The following SLC34A3 variants were observed in gnomAD, a reference collection of about 807,000 sequenced individuals.
SLC34A3 encodes the protein solute carrier family 34 member 3.
In SLC34A3, 60 loss-of-function variants were observed where a neutral mutation model predicts 43.9. The ratio of observed to expected loss-of-function variants is 1.37; its 90% CI spans 1.11 to 1.70. The LOEUF (loss-of-function observed/expected upper bound fraction) is 1.70, where lower values mean the gene tolerates loss of function less well. SLC34A3 is among the 40% of genes most tolerant of loss of function. The pLI, the probability that SLC34A3 is intolerant of heterozygous loss-of-function variation, is 0.00. For missense variants in SLC34A3, 969 were observed against 823.8 expected (o/e 1.18, Z -2.16); for synonymous variants, 451 against 386.2 (o/e 1.17, Z -1.97).
At position 137,234,691 on chromosome 9, in the gene SLC34A3, C is replaced by G; in HGVS notation, c.1295C>G (p.Ala432Gly). Residue 432 changes from alanine to glycine, a missense_variant, in exon 12 of 13, where the codon GCC becomes GGC. Coordinates refer to ENST00000673835, the MANE Select transcript of SLC34A3 (RefSeq NM_001177316.2). The surrounding 1 kb of genome is among the most constrained non-coding windows in gnomAD (Gnocchi z 6.9). ...IGTTTTALLAALASPADRMLS... is the reference protein window; with the variant it reads ...IGTTTTALLAGLASPADRMLS... Reference sequence around the variant, plus strand: ...ACCACTACCACAGCCCTGCTGGCTGCCCTGGCCAGCCCCGCAGACAGGATG... The same window carrying G: ...ACCACTACCACAGCCCTGCTGGCTGGCCTGGCCAGCCCCGCAGACAGGATG... The G allele has an allele frequency of 2.5e-6, 4 of 1,611,900 alleles. No individual in the cohort carries two copies. Among genetic ancestry groups the G allele is most frequent in the Non-Finnish European group, 3.4e-6 (4 of 1,179,844 alleles).
In SLC34A3 at chr9:137,232,609, C is replaced by T. The variant is rs755237394; in HGVS notation, c.210C>T (p.Ala70=). The change falls in exon 4 of 13, where the codon GCC becomes GCT. Residue 70 remains alanine, a synonymous_variant. Coordinates refer to ENST00000673835, the MANE Select transcript of SLC34A3 (RefSeq NM_001177316.2). ...LRVAGRLRRV[A]GSVLKACGLL... is the part of the protein sequence containing the mutation. Reference sequence around the variant, plus strand: ...TGGCCGGCAGGCTGCGCCGCGTGGCCGGCAGCGTCCTCAAGGCCTGCGGGC... The same window carrying T: ...TGGCCGGCAGGCTGCGCCGCGTGGCTGGCAGCGTCCTCAAGGCCTGCGGGC... 2.5e-5 allele frequency: 41 copies of T among 1,611,988 alleles called. No homozygotes were observed. Among genetic ancestry groups the T allele is most frequent in the South Asian group, 1.4e-4 (13 of 91,058 alleles).
chr9:137,235,912 C>A, intron 12 of SLC34A3, 40 bp from the exon 13 acceptor site: 1 of 1,598,582 alleles, frequency 6.3e-7, no homozygotes, highest in Non-Finnish European at 8.6e-7. Flanking sequence ...GTGACCCCAC[C>A]TCGTTGGGCC....
intron 8 of SLC34A3, 57 bp downstream of exon 8, chr9:137,233,779 T>TTGGGCGCCCCCCCCC: frequency 6.9e-7 from 1 of 1,445,820 alleles, no homozygotes; most frequent in Non-Finnish European, 9.6e-7. Flanking sequence ...TGCTGAGTCA[T>TTGGGCGCCCCCCCCC]CCCGCCCCAC....
intron 12 of SLC34A3, among the ~76,000 whole-genome samples, chr9:137,235,629 G>A (rs1346809832): frequency 6.6e-6 from 1 of 152,230 alleles, no homozygotes; most frequent in Non-Finnish European, 1.5e-5. Context: ...GGACTGAGGA[G>A]ACGGGGTCTC....
chr9:137,233,462 G>A (rs954043699), intron 7 of SLC34A3, 58 bp downstream of exon 7: 1 of 1,585,894 alleles, frequency 6.3e-7, no homozygotes, highest in Non-Finnish European at 8.6e-7. Flanking sequence ...GGGAGGAGGG[G>A]AGGCCCGCCC....
intron 8 of SLC34A3, 56 bp downstream of exon 8, chr9:137,233,778 A>ACCCCCCCCCCCCCCCCCCCC: frequency 6.7e-7 from 1 of 1,485,058 alleles, no homozygotes; most frequent in Non-Finnish European, 9.3e-7. Context: ...CTGCTGAGTC[A>ACCCCCCCCCCCCCCCCCCCC]TCCCGCCCCA....
Position 137,232,903 on chromosome 9 carries a change from G to C in SLC34A3, c.424G>C (p.Val142Leu). ...GAGTTCCAGCACGTCCTCCTCCATC[G>C]TGGTCAGCATGGTGGCTGCTAAGCG... ...VQSSSTSSSI[V>L]VSMVAAKLLT... The change falls in exon 5 of 13, where the codon GTG (valine) becomes CTG (leucine). Residue 142 changes from valine to leucine, a missense_variant. Val to Leu is a conservative substitution (Grantham distance 32). Transcript: ENST00000673835. 1 of 1,609,210 alleles carries C rather than the reference G, an allele frequency of 6.2e-7. No homozygotes were observed. Among genetic ancestry groups the C allele is most frequent in the Non-Finnish European group, 8.5e-7 (1 of 1,178,304 alleles).
Position 137,234,610 on chromosome 9 carries a change from T to A in SLC34A3, c.1214T>A (p.Val405Asp). ...FTAAVVPLMG[V>D]GVISLDRAYP... The stretch of plus-strand genomic sequence containing the variant: ...TGGTGACTCCCAGTTCCCCCAGGGG[T>A]CGGGGTGATCAGTCTGGACCGGGCG... Residue 405 changes from valine (V) to aspartate (D), a missense_variant, in exon 12 of 13, where the codon GTC (valine) becomes GAC (aspartate). Physicochemically the swap from Val to Asp is radical, Grantham distance 152 (BLOSUM62 -3). Coordinates refer to ENST00000673835, the MANE Select transcript of SLC34A3 (RefSeq NM_001177316.2). This position sits in a 1 kb window ranked among gnomAD's most constrained non-coding sequence, Gnocchi z 6.9. 6.2e-7 allele frequency: 1 copy of A among 1,611,708 alleles called. No individual in the cohort carries two copies. Among genetic ancestry groups the A allele is most frequent in the Non-Finnish European group, 8.5e-7 (1 of 1,179,672 alleles).
chr9:137,234,633 G>A lies in SLC34A3; in HGVS notation c.1237G>A (p.Ala413Thr), dbSNP rs1836481343. ...MGVGVISLDR[A>T]YPLLLGSNIG... ...GGTCGGGGTGATCAGTCTGGACCGG[G>A]CGTACCCCCTCTTACTGGGCTCCAA... Residue 413 changes from alanine (A) to threonine (T), a missense_variant, in exon 12 of 13, where the codon GCG (alanine) becomes ACG (threonine). Ala to Thr is a moderately conservative substitution (Grantham distance 58). Coordinates refer to ENST00000673835, the MANE Select transcript of SLC34A3 (RefSeq NM_001177316.2). This position sits in a 1 kb window ranked among gnomAD's most constrained non-coding sequence, Gnocchi z 6.9. The A allele has an allele frequency of 1.2e-6, 2 of 1,612,336 alleles. No individual in the cohort carries two copies. The highest frequency in any genetic ancestry group is 1.3e-5 in the African/African-American group (1 of 74,878).
Position 137,234,369 on chromosome 9 carries a change from G to C in SLC34A3, c.1094-47G>C. ...ACCAGGCTGACTCGGGGGCTACCTG[G>C]CCCTCCTTGTGGGCGCTGGCCAGGG... On this transcript the variant is annotated intron_variant, in intron 10 of 12. Transcript: ENST00000673835. This position sits in a 1 kb window ranked among gnomAD's most constrained non-coding sequence, Gnocchi z 6.9. 6.3e-7 allele frequency: 1 copy of C among 1,595,420 alleles called. No homozygotes were observed. Among genetic ancestry groups the C allele is most frequent in the East Asian group, 2.2e-5 (1 of 44,660 alleles).
chr9:137,233,334 TGACACCCAGGGCGCAGGCGCCC>T lies in SLC34A3; in HGVS notation c.691_712del (p.Pro231SerfsTer5). ...GAGCTAGCCCTGGGTGCCGCCAGCC[TGACACCCAGGGCGCAGGCGCCC>T]GACATCCTCAAGGTGCTGACGAAGC... On this transcript the variant is annotated frameshift_variant, in exon 7 of 13. Transcript: ENST00000673835. LOFTEE classifies it high-confidence loss of function. 2.5e-6 allele frequency: 4 copies of T among 1,604,558 alleles called. No individual in the cohort carries two copies. The highest frequency in any genetic ancestry group is 3.4e-6 in the Non-Finnish European group (4 of 1,176,430).
chr9:137,232,875 G>A lies in SLC34A3; in HGVS notation c.396G>A (p.Val132=), dbSNP rs752495218. The A allele has an allele frequency of 1.2e-6, 2 of 1,611,870 alleles. No individual in the cohort carries two copies. The highest frequency in any genetic ancestry group is 1.7e-6 in the Non-Finnish European group (2 of 1,179,546). Residue 132 remains valine, a synonymous_variant, in exon 5 of 13, where the codon GTG becomes GTA. Transcript: ENST00000673835. ...TTGGCGTGCTGGTCACAGCCCTGGT[G>A]CAGAGTTCCAGCACGTCCTCCTCCA... ...LVIGVLVTAL[V]QSSSTSSSIV...
rs1836252265 is a variant in SLC34A3 at position 137,232,063 on chromosome 9, C to T, written c.86-9C>T. ...CTGGAAACAGCCGTACTCAATTCTA[C>T]CTCCACAGGGACCTCCAGTTCTGCT... On this transcript the variant is annotated splice_polypyrimidine_tract_variant and intron_variant, in intron 2 of 12. Coordinates refer to ENST00000673835, the MANE Select transcript of SLC34A3 (RefSeq NM_001177316.2). The T allele has an allele frequency of 6.2e-7, 1 of 1,612,502 alleles. No homozygotes were observed. Among genetic ancestry groups the T allele is most frequent in the Non-Finnish European group, 8.5e-7 (1 of 1,179,460 alleles).
rs547497001 is a variant in SLC34A3 at position 137,232,804 on chromosome 9, T to G, written c.325T>G (p.Phe109Val). The change falls in exon 5 of 13, where the codon TTC becomes GTC. Residue 109 changes from phenylalanine to valine, a missense_variant. Coordinates refer to ENST00000673835, the MANE Select transcript of SLC34A3 (RefSeq NM_001177316.2). ...TGTAGGCAAAGTGGCCGGAGACATC[T>G]TCAAGGACAACGTGGTGCTGTCCAA... ...LLGSKVAGDI[F>V]KDNVVLSNPV... 2.5e-6 allele frequency: 4 copies of G among 1,613,110 alleles called. No homozygotes were observed. The South Asian group carries it at 4.4e-5, about 18-fold the overall frequency.
intron 3 of SLC34A3, 149 bp from the exon 4 acceptor site, chr9:137,232,426 G>T (rs930458928): frequency 8.4e-7 from 1 of 1,196,806 alleles, no homozygotes; most frequent in African/African-American, 1.5e-5. Flanking sequence ...GCAGGAACCC[G>T]GGCCCTGCCC....
In SLC34A3 at chr9:137,236,339, T is replaced by G. The variant is rs773962161; in HGVS notation, c.1723T>G (p.Cys575Gly). The G allele has an allele frequency of 6.5e-7, 1 of 1,541,700 alleles. No homozygotes were observed. The highest frequency in any genetic ancestry group is 2.4e-5 in the East Asian group (1 of 40,872). The part of the protein sequence containing the change: ...LVTRCCPCNV[C>G]SPPKATTKEA... The stretch of plus-strand genomic sequence containing the variant: ...GACCCGCTGCTGCCCCTGCAACGTC[T>G]GCAGCCCCCCGAAGGCCACCACCAA... The change falls in exon 13 of 13, where the codon TGC (cysteine) becomes GGC (glycine). Residue 575 changes from cysteine to glycine, a missense_variant. Transcript: ENST00000673835.
In SLC34A3 at chr9:137,236,537, A is replaced by C. The variant is rs1836608313; in HGVS notation, c.*121A>C. 2 of 876,768 alleles carry C rather than the reference A, an allele frequency of 2.3e-6. No individual in the cohort carries two copies. The highest frequency in any genetic ancestry group is 3.6e-6 in the Non-Finnish European group (2 of 550,326). 54.3% of individuals were successfully genotyped at this position (876,768 alleles called of 1,614,324 possible). A position where few individuals can be genotyped will look rare whatever the true frequency, so the allele number is the denominator to read the frequency against. ...ACCTGCTTCCCCTTCTGTGCAAATA[A>C]ACCAGGCTGTTATCTGGGGTGGCGG... On this transcript the variant is annotated 3_prime_UTR_variant, in exon 13 of 13. Transcript: ENST00000673835.
chr9:137,236,272 C>G lies in SLC34A3; in HGVS notation c.1656C>G (p.Leu552=). Residue 552 remains leucine, a synonymous_variant, in exon 13 of 13, where the codon CTC becomes CTG. Coordinates refer to ENST00000673835, the MANE Select transcript of SLC34A3 (RefSeq NM_001177316.2). The stretch of plus-strand genomic sequence containing the variant: ...TCCGCCTGCGCTCCTGGGCCTGGCT[C>G]CCCGTCTGGCTCCATTCTCTGGAGC... The part of the protein sequence containing the change: ...LPVRLRSWAW[L]PVWLHSLEPW... 3 of 1,542,866 alleles carry G rather than the reference C, an allele frequency of 1.9e-6. 1 individual carries two copies. The highest frequency in any genetic ancestry group is 2.6e-6 in the Non-Finnish European group (3 of 1,146,898).
chr9:137,235,963 C>T lies in SLC34A3; in HGVS notation c.1347C>T (p.Ile449=). 6.2e-7 allele frequency: 1 copy of T among 1,612,084 alleles called. No homozygotes were observed. Among genetic ancestry groups the T allele is most frequent in the Non-Finnish European group, 8.5e-7 (1 of 1,179,832 alleles). The change falls in exon 13 of 13, where the codon ATC becomes ATT. Residue 449 remains isoleucine, a synonymous_variant. Coordinates refer to ENST00000673835, the MANE Select transcript of SLC34A3 (RefSeq NM_001177316.2). ...RMLSALQVAL[I]HFFFNLAGIL... ...CCCCTCGCCCCCAGGTCGCCCTCAT[C>T]CACTTCTTCTTCAACCTGGCCGGCA... is the stretch of plus-strand genomic sequence containing the variant.
Sources: allele counts gnomAD v4.1 joint callset (sites outside exome capture counted in the v4.1 genomes callset), GRCh38; gene constraint gnomAD v4.1.1; non-coding constraint Gnocchi (gnomAD v3.1); transcripts MANE v1.5; gene names NCBI Gene and HGNC (gene_info 2026-07-23, HGNC 2026-07-21).